Variants in SNX24 observed in about 807,000 individuals in gnomAD.
SNX24 encodes the protein sorting nexin 24, also known as sorting nexin-24.
A neutral mutation model predicts 28.7 loss-of-function variants in SNX24; 22 were observed. That is an observed-to-expected ratio of 0.77 (90% CI 0.55 to 1.10). The LOEUF (loss-of-function observed/expected upper bound fraction) is 1.10, where lower values mean the gene tolerates loss of function less well. Among genes scored for constraint, SNX24 ranks in the 50% least tolerant of loss-of-function variants. The pLI is 0.00. For synonymous variants in SNX24, 69 were observed against 71.5 expected (o/e 0.96, Z 0.18); for missense variants, 221 against 201.1 (o/e 1.10, Z -0.60).
At chr5:122,986,082 AG>A (rs34324465) in intron 3 of SNX24, among the ~76,000 whole-genome samples, 29,556 of 152,132 alleles carry the variant, frequency 0.19, 3,646 homozygotes, top group Non-Finnish European at 0.29. Context: ...CAGAGGTGAG[AG>A]AAAGGAAGCA....
downstream of SNX24, among the ~76,000 whole-genome samples, chr5:123,009,510 G>A (rs1411131671): frequency 6.6e-6 from 1 of 152,148 alleles, no homozygotes; most frequent in East Asian, 1.9e-4. Flanking sequence ...GATGACTTTC[G>A]CTTTTTATAT....
At chr5:122,948,430 G>A (rs1484354563) in intron 3 of SNX24, among the ~76,000 whole-genome samples, 3 of 152,130 alleles carry the variant, frequency 2.0e-5, no homozygotes, top group Non-Finnish European at 4.4e-5. Flanking sequence ...GTCCTGATCT[G>A]GCCCATGAAC....
intron 1 of SNX24, among the ~76,000 whole-genome samples, chr5:122,871,315 G>A (rs1755966981): frequency 6.6e-6 from 1 of 152,150 alleles, no homozygotes; most frequent in African/African-American, 2.4e-5. Flanking sequence ...GCAGATTGTA[G>A]GGTAGATAGC....
chr5:123,011,463 A>G (rs1762577281), downstream of SNX24, among the ~76,000 whole-genome samples: 1 of 152,216 alleles, frequency 6.6e-6, no homozygotes, highest in Non-Finnish European at 1.5e-5. Flanking sequence ...ATACCTGGTA[A>G]ATCCTACAGT....
chr5:122,932,953 T>G (rs750685509), intron 1 of SNX24, among the ~76,000 whole-genome samples: 1 of 151,982 alleles, frequency 6.6e-6, no homozygotes, highest in Non-Finnish European at 1.5e-5. Context: ...ACATTCCTAT[T>G]CATAACAGTG....
chr5:122,932,858 CAAAAAAA>C (rs57930558), intron 1 of SNX24, among the ~76,000 whole-genome samples: 15 of 87,980 alleles, frequency 1.7e-4, no homozygotes, highest in Non-Finnish European at 2.2e-4. Flanking sequence ...GACTCTGTCT[CAAAAAAA>C]AAAAAAAAAA....
chr5:122,989,464 C>A (rs1391362562), intron 3 of SNX24, among the ~76,000 whole-genome samples: 2 of 140,868 alleles, frequency 1.4e-5, no homozygotes, highest in African/African-American at 5.3e-5. Context: ...CTTTTCCCAT[C>A]CAGTCACTTC....
intron 1 of SNX24, among the ~76,000 whole-genome samples, chr5:122,935,122 T>C (rs1759126816): frequency 6.6e-6 from 1 of 152,162 alleles, no homozygotes; most frequent in African/African-American, 2.4e-5. Context: ...CCTCAAACAA[T>C]AAGACCCAGA....
intron 1 of SNX24, among the ~76,000 whole-genome samples, chr5:122,879,106 T>C (rs1218589997): frequency 6.6e-6 from 1 of 152,214 alleles, no homozygotes; most frequent in Non-Finnish European, 1.5e-5. Flanking sequence ...ATCCAAAGTA[T>C]TATTCTAACA....
At chr5:122,940,118 C>T (rs964275502) in intron 2 of SNX24, among the ~76,000 whole-genome samples, 2 of 151,956 alleles carry the variant, frequency 1.3e-5, no homozygotes, top group African/African-American at 2.4e-5. Flanking sequence ...CTCAGCCTCC[C>T]GAGTAGCTGG....
At chr5:122,923,256 T>G (rs1011771532) in intron 1 of SNX24, among the ~76,000 whole-genome samples, 8 of 151,718 alleles carry the variant, frequency 5.3e-5, no homozygotes, top group Admixed American at 5.3e-4. Context: ...GGAGTATAGC[T>G]TGAGCCCAGG....
At chr5:122,981,576 T>C (rs952594782) in intron 3 of SNX24, among the ~76,000 whole-genome samples, 2 of 152,264 alleles carry the variant, frequency 1.3e-5, no homozygotes, top group African/African-American at 4.8e-5. Flanking sequence ...ATTTGCCTCA[T>C]GCCCATAGAA....
chr5:122,942,344 ATG>A (rs1759491515), intron 2 of SNX24, among the ~76,000 whole-genome samples: 1 of 152,202 alleles, frequency 6.6e-6, no homozygotes, highest in African/African-American at 2.4e-5. Flanking sequence ...AAAACCTGCC[ATG>A]TGGGGTCAAA....
At chr5:122,947,488 C>T (rs933268981) in intron 3 of SNX24, among the ~76,000 whole-genome samples, 2 of 152,190 alleles carry the variant, frequency 1.3e-5, no homozygotes, top group African/African-American at 4.8e-5. Flanking sequence ...CTGAAGACAT[C>T]TGAGGCAGGC....
chr5:122,984,221 A>G (rs968900698), intron 3 of SNX24, among the ~76,000 whole-genome samples: 1 of 152,164 alleles, frequency 6.6e-6, no homozygotes, highest in Non-Finnish European at 1.5e-5. Flanking sequence ...AAATATGATT[A>G]GCTAACATGT....
chr5:122,907,964 C>T (rs1319012416), intron 1 of SNX24, among the ~76,000 whole-genome samples: 2 of 151,072 alleles, frequency 1.3e-5, no homozygotes, highest in Non-Finnish European at 2.9e-5. Context: ...TCAGTGTCTT[C>T]TGGTATATTT....
intron 3 of SNX24, among the ~76,000 whole-genome samples, chr5:122,970,257 A>G (rs30050): frequency 0.77 from 114,931 of 149,580 alleles, 45,020 homozygotes; most frequent in East Asian, 0.99. Context: ...TATTCTTCCT[A>G]GACTACTTGT....
chr5:122,994,149 G>A (rs1581845116), intron 3 of SNX24, among the ~76,000 whole-genome samples: 1 of 152,322 alleles, frequency 6.6e-6, no homozygotes, highest in African/African-American at 2.4e-5. Context: ...GGTTAGCAAA[G>A]TGGTCTTGTC....
chr5:122,852,110 CTATCTA>C (rs375519224), intron 1 of SNX24, among the ~76,000 whole-genome samples: 71 of 150,034 alleles, frequency 4.7e-4, no homozygotes, highest in Middle Eastern at 3.5e-3. Flanking sequence ...ACACACATAT[CTATCTA>C]TATCTATATC....
Sources: allele counts gnomAD v4.1 joint callset (sites outside exome capture counted in the v4.1 genomes callset), GRCh38; gene constraint gnomAD v4.1.1; transcripts MANE v1.5; gene names NCBI Gene and HGNC (gene_info 2026-07-23, HGNC 2026-07-21).